Variants in RHBG observed in about 807,000 individuals in gnomAD.
RHBG encodes the protein Rh family B glycoprotein, also known as ammonium transporter Rh type B.
Under a neutral mutation model 40.1 loss-of-function variants are expected in RHBG, and 39 were observed. The observed-to-expected ratio is 0.97, with a 90% CI of 0.75 to 1.27. RHBG has a LOEUF of 1.27. RHBG is among the 50% of genes most tolerant of loss of function. RHBG has a pLI of 0.00. For missense variants in RHBG, 549 were observed against 588.1 expected, an observed-to-expected ratio of 0.93 and a Z score of 0.69; for synonymous variants, 237 against 252.5, an observed-to-expected ratio of 0.94 and a Z score of 0.58.
chr1:156,381,172 G>C (rs1667601219), intron 4 of RHBG, among the ~76,000 whole-genome samples, 175 bp from the exon 5 acceptor site: 1 of 152,192 alleles, frequency 6.6e-6, no homozygotes, highest in Non-Finnish European at 1.5e-5. Context: ...AAAGTGCTGG[G>C]ATTACAGGCG....
At chr1:156,373,251 C>T (rs1396892793) in intron 1 of RHBG, among the ~76,000 whole-genome samples, 1 of 151,922 alleles carries the variant, frequency 6.6e-6, no homozygotes, top group East Asian at 1.9e-4. Flanking sequence ...CAAAGTGAGA[C>T]CTCGTCTCTA....
intron 8 of RHBG, among the ~76,000 whole-genome samples, chr1:156,383,131 C>T (rs1167496625): frequency 2.0e-5 from 3 of 152,180 alleles, no homozygotes; most frequent in African/African-American, 7.2e-5. Context: ...CTGTGCTGCT[C>T]CCTCTGCCCA....
At chr1:156,380,067 C>T (rs1041837235) in intron 4 of RHBG, among the ~76,000 whole-genome samples, 1 of 151,968 alleles carries the variant, frequency 6.6e-6, no homozygotes, top group African/African-American at 2.4e-5. Flanking sequence ...CAGCATAGTC[C>T]CTGACATGCA....
Position 156,369,265 on chromosome 1 carries a change from A to AGCC in RHBG, c.19_21dup (p.Arg7dup). ...AGCCCAACCCATGGCCGGGTCTCCTAGCCGCGCCGCGGGCCGGCGACTGCA... is the reference window on the plus strand; with the variant it reads ...AGCCCAACCCATGGCCGGGTCTCCTAGCCGCCGCGCCGCGGGCCGGCGACTGCA... On this transcript the variant is annotated inframe_insertion, in exon 1 of 10. Transcript: ENST00000537040. The AGCC allele has an allele frequency of 6.2e-7, 1 of 1,613,126 alleles. No individual in the cohort carries two copies. Among genetic ancestry groups the AGCC allele is most frequent in the Non-Finnish European group, 8.5e-7 (1 of 1,179,846 alleles).
At chr1:156,384,277 T>C (rs1667883686) in intron 8 of RHBG, 1 of 580,852 alleles carries the variant, frequency 1.7e-6, no homozygotes, top group Non-Finnish European at 3.1e-6. Flanking sequence ...CTTGTTTCTT[T>C]GTTTGTAATA....
chr1:156,377,889 C>T lies in RHBG; in HGVS notation c.375-101C>T. ...CTTCTCTCCAGAACTCCAACCCCACCCCACCCACCACATCATGCTGTCCTG... is the reference window on the plus strand; with the variant it reads ...CTTCTCTCCAGAACTCCAACCCCACTCCACCCACCACATCATGCTGTCCTG... On this transcript the variant is annotated intron_variant, in intron 2 of 9. Transcript: ENST00000537040. The surrounding 1 kb of genome is among the most constrained non-coding windows in gnomAD (Gnocchi z 4.6). The T allele has an allele frequency of 8.2e-7, 1 of 1,226,642 alleles. No homozygotes were observed. The highest frequency in any genetic ancestry group is 1.6e-5 in the South Asian group (1 of 61,000). The allele number at this position is 1,226,642 out of a possible 1,614,324, so 76.0% of individuals were successfully genotyped here.
At chr1:156,376,459 G>T (rs1176573282) in intron 1 of RHBG, among the ~76,000 whole-genome samples, 1 of 151,812 alleles carries the variant, frequency 6.6e-6, no homozygotes, top group Non-Finnish European at 1.5e-5. Flanking sequence ...TGCCTCCTGG[G>T]TTCAGGCAAT....
intron 1 of RHBG, chr1:156,371,057 CA>C: frequency 2.9e-6 from 1 of 350,070 alleles, no homozygotes. Context: ...CCCATCTGAG[CA>C]AGGGGAAAAA....
Position 156,377,175 on chromosome 1 carries a change from T to G in RHBG, c.188-126T>G. 1.8e-6 allele frequency: 2 copies of G among 1,104,862 alleles called. No individual in the cohort carries two copies. Among genetic ancestry groups the G allele is most frequent in the Non-Finnish European group, 2.6e-6 (2 of 757,728 alleles). The allele number at this position is 1,104,862 out of a possible 1,614,324, so 68.4% of individuals were successfully genotyped here. Reference sequence around the variant, plus strand: ...GGAGCCCCTGACATGCCTGGGGAGTTTTATAGGCTCGGCTCAAGGCAGCCC... The same window carrying G: ...GGAGCCCCTGACATGCCTGGGGAGTGTTATAGGCTCGGCTCAAGGCAGCCC... On this transcript the variant is annotated intron_variant, in intron 1 of 9. Coordinates refer to ENST00000537040, the MANE Select transcript of RHBG (RefSeq NM_020407.5). The surrounding 1 kb of genome is among the most constrained non-coding windows in gnomAD (Gnocchi z 4.6).
At position 156,376,430 on chromosome 1, in the gene RHBG, C is replaced by A. The variant is rs1667205167; in HGVS notation, c.188-871C>A. On this transcript the variant is annotated intron_variant, in intron 1 of 9. Transcript: ENST00000537040. ...CCAGGCTGGAGTGCAGAGGTATGAT[C>A]TTGGCTTACTGCAGCGTCTGCCTCC... Among the ~76,000 whole-genome samples, 3 of 149,272 alleles carry A rather than the reference C, an allele frequency of 2.0e-5. No homozygotes were observed. The South Asian group carries it at 6.3e-4, about 31-fold the overall frequency.
intron 7 of RHBG, 174 bp downstream of exon 7, chr1:156,382,375 T>A: frequency 1.2e-6 from 1 of 834,656 alleles, no homozygotes; most frequent in Non-Finnish European, 1.9e-6. Flanking sequence ...TTCCTGGTCC[T>A]CTATCAAGTG....
At chr1:156,371,101 C>G in intron 1 of RHBG, 1 of 407,664 alleles carries the variant, frequency 2.5e-6, no homozygotes, top group South Asian at 1.8e-5. Flanking sequence ...TACATTCAAA[C>G]AAGGCCTAGA....
At chr1:156,375,279 G>A (rs926034801) in intron 1 of RHBG, among the ~76,000 whole-genome samples, 10 of 152,002 alleles carry the variant, frequency 6.6e-5, no homozygotes, top group South Asian at 2.1e-4. Flanking sequence ...CGCCATATTG[G>A]CCAGGCTGGT....
In RHBG at chr1:156,382,049, G is replaced by A; in HGVS notation, c.979-19G>A. The A allele has an allele frequency of 6.2e-7, 1 of 1,611,206 alleles. No individual in the cohort carries two copies. Among genetic ancestry groups the A allele is most frequent in the Non-Finnish European group, 8.5e-7 (1 of 1,178,594 alleles). ...TGGGGAGTGGGCACAGGAGACTCAT[G>A]ATCTGTCTTGCCCTCCAGCCCATCC... On this transcript the variant is annotated intron_variant, in intron 6 of 9. Coordinates refer to ENST00000537040, the MANE Select transcript of RHBG (RefSeq NM_020407.5).
intron 1 of RHBG, among the ~76,000 whole-genome samples, chr1:156,372,535 A>T (rs1045645737): frequency 6.6e-6 from 1 of 152,136 alleles, no homozygotes; most frequent in Non-Finnish European, 1.5e-5. Flanking sequence ...TGGAATCAGG[A>T]TCTTCTTGGA....
chr1:156,376,677 T>A (rs1051806361), intron 1 of RHBG, among the ~76,000 whole-genome samples: 1 of 152,058 alleles, frequency 6.6e-6, no homozygotes, highest in Admixed American at 6.6e-5. Flanking sequence ...TTAAAATTTT[T>A]AAAAAAATAA....
At chr1:156,371,675 A>G (rs1477638797) in intron 1 of RHBG, 1 of 153,824 alleles carries the variant, frequency 6.5e-6, no homozygotes, top group East Asian at 1.9e-4. Flanking sequence ...CTGGCTAGAA[A>G]AGAAGGATAG....
At chr1:156,373,791 T>C (rs1450497642) in intron 1 of RHBG, among the ~76,000 whole-genome samples, 1 of 152,178 alleles carries the variant, frequency 6.6e-6, no homozygotes, top group Admixed American at 6.5e-5. Context: ...TTGCTGTCCT[T>C]GAGCACAAGA....
intron 4 of RHBG, among the ~76,000 whole-genome samples, chr1:156,378,796 C>T (rs1392786865): frequency 6.6e-6 from 1 of 152,124 alleles, no homozygotes; most frequent in Non-Finnish European, 1.5e-5. Context: ...CTGTCTGGTT[C>T]CCGGCAAACA....
Sources: allele counts gnomAD v4.1 joint callset (sites outside exome capture counted in the v4.1 genomes callset), GRCh38; gene constraint gnomAD v4.1.1; non-coding constraint Gnocchi (gnomAD v3.1); transcripts MANE v1.5; gene names NCBI Gene and HGNC (gene_info 2026-07-23, HGNC 2026-07-21).